The following HSD3B2 variants were observed in gnomAD, a reference collection of about 807,000 sequenced individuals.
HSD3B2 encodes the protein hydroxy-delta-5-steroid dehydrogenase, 3 beta- and steroid delta-isomerase 2, also known as 3 beta-hydroxysteroid dehydrogenase/Delta 5-->4-isomerase type 2.
HSD3B2 carries 8 observed loss-of-function variants against 9.9 expected under a neutral mutation model. That is an observed-to-expected ratio of 0.81 (90% CI 0.47 to 1.46). The LOEUF (loss-of-function observed/expected upper bound fraction) is 1.46. Among genes scored for constraint, HSD3B2 ranks in the 40% most tolerant of loss-of-function variants. The pLI, the probability that HSD3B2 is intolerant of heterozygous loss-of-function variation, is 0.00. For missense variants in HSD3B2, 410 were observed against 448.3 expected (o/e 0.91, Z 0.77); for synonymous variants, 221 against 184.5 (o/e 1.20, Z -1.60).
chr1:119,419,507 G>A lies in HSD3B2; in HGVS notation c.232G>A (p.Val78Ile), dbSNP rs143103963. 45 of 1,613,612 alleles carry A rather than the reference G, an allele frequency of 2.8e-5. No individual in the cohort carries two copies. In the African/African-American group the frequency reaches 2.9e-4, roughly 11 times the overall value. Residue 78 changes from valine (V) to isoleucine (I), a missense_variant, in exon 3 of 4, where the codon GTC becomes ATC. Coordinates refer to ENST00000369416, the MANE Select transcript of HSD3B2 (RefSeq NM_000198.4). ...AAGAGCCTGCCAGGACGTCTCGGTC[G>A]TCATCCACACCGCCTGTATCATTGA... is the stretch of plus-strand genomic sequence containing the variant. ...LKRACQDVSV[V>I]IHTACIIDVF... is the part of the protein sequence containing the mutation.
intron 3 of HSD3B2, among the ~76,000 whole-genome samples, chr1:119,421,105 A>G (rs1651843524): frequency 6.6e-6 from 1 of 152,080 alleles, no homozygotes; most frequent in African/African-American, 2.4e-5. Context: ...CAAAATGAGA[A>G]AAATACCAGC....
chr1:119,419,565 T>G lies in HSD3B2; in HGVS notation c.290T>G (p.Met97Arg). Residue 97 changes from methionine (M) to arginine (R), a missense_variant, in exon 3 of 4, where the codon ATG becomes AGG. Physicochemically the swap from Met to Arg is moderately conservative, Grantham distance 91. Coordinates refer to ENST00000369416, the MANE Select transcript of HSD3B2 (RefSeq NM_000198.4). ...VFGVTHRESI[M>R]NVNVKGTQLL... ...GGTGTCACTCACAGAGAGTCCATCATGAATGTCAATGTGAAAGGTACAGTA... is the reference window on the plus strand; with the variant it reads ...GGTGTCACTCACAGAGAGTCCATCAGGAATGTCAATGTGAAAGGTACAGTA... The G allele has an allele frequency of 1.9e-6, 3 of 1,613,858 alleles. No individual in the cohort carries two copies. Among genetic ancestry groups the G allele is most frequent in the Non-Finnish European group, 2.5e-6 (3 of 1,179,852 alleles).
rs1332110702 is a variant in HSD3B2 at position 119,421,474 on chromosome 1, TATGTATATATATATTTTATAATA to T, written c.308-334_308-312del. Among the ~76,000 whole-genome samples, 21 of 5,622 alleles carry T rather than the reference TATGTATATATATATTTTATAATA, an allele frequency of 3.7e-3. 1 individual carries two copies. The highest frequency in any genetic ancestry group is 0.012 in the African/African-American group (20 of 1,688). 3.7% of individuals were successfully genotyped at this position (5,622 alleles called of 152,430 possible). On this transcript the variant is annotated intron_variant, in intron 3 of 3. Coordinates refer to ENST00000369416, the MANE Select transcript of HSD3B2 (RefSeq NM_000198.4). ...ATATGTATATATATATGTATATATA[TATGTATATATATATTTTATAATA>T]TATATATATATATACACACACGTAT...
rs750725811 is a variant in HSD3B2, at chr1:119,422,170, C to T, written c.669C>T (p.Val223=). 5 of 1,613,980 alleles carry T rather than the reference C, an allele frequency of 3.1e-6. No homozygotes were observed. The highest frequency in any genetic ancestry group is 2.7e-5 in the African/African-American group (2 of 74,904). Residue 223 remains valine (V), a synonymous_variant, in exon 4 of 4, where the codon GTC becomes GTT. Coordinates refer to ENST00000369416, the MANE Select transcript of HSD3B2 (RefSeq NM_000198.4). ...GAAAGTTCTCTACAGTCAACCCAGT[C>T]TATGTTGGCAACGTGGCCTGGGCCC... ...SVGKFSTVNP[V]YVGNVAWAHI... is the part of the protein sequence containing the mutation.
At chr1:119,416,593 C>T (rs891907118) in intron 2 of HSD3B2, among the ~76,000 whole-genome samples, 4 of 152,194 alleles carry the variant, frequency 2.6e-5, no homozygotes, top group Non-Finnish European at 5.9e-5. Flanking sequence ...CCCTTTGCCT[C>T]TCTGTGTGCC....
intron 3 of HSD3B2, among the ~76,000 whole-genome samples, chr1:119,421,416 TG>T (rs1360451094): frequency 0.3 from 15,559 of 51,904 alleles, 2,404 homozygotes; most frequent in African/African-American, 0.53. Context: ...TATATATATA[TG>T]TATATATATG....
rs776281757 is a variant in HSD3B2, at chr1:119,421,911, T to A, written c.410T>A (p.Ile137Asn). ...GGGCCCAACTCCTACAAGGAAATCA[T>A]CCAGAACGGCCACGAAGAAGAGCCT... Reference protein sequence around the residue: ...VAGPNSYKEIIQNGHEEEPLE... With the variant: ...VAGPNSYKEINQNGHEEEPLE... Residue 137 changes from isoleucine (I) to asparagine (N), a missense_variant, in exon 4 of 4, where the codon ATC (isoleucine) becomes AAC (asparagine). Coordinates refer to ENST00000369416, the MANE Select transcript of HSD3B2 (RefSeq NM_000198.4). The A allele has an allele frequency of 2.5e-6, 4 of 1,613,924 alleles. No individual in the cohort carries two copies. Among genetic ancestry groups the A allele is most frequent in the Non-Finnish European group, 3.4e-6 (4 of 1,179,962 alleles).
At chr1:119,418,809 G>A (rs1438785935) in intron 2 of HSD3B2, among the ~76,000 whole-genome samples, 1 of 151,636 alleles carries the variant, frequency 6.6e-6, no homozygotes, top group Non-Finnish European at 1.5e-5. Context: ...ATACCATCAC[G>A]CCCAGCTAAT....
rs745547471 is a variant in HSD3B2, at chr1:119,422,279, C to T, written c.778C>T (p.Pro260Ser). 6.2e-7 allele frequency: 1 copy of T among 1,614,114 alleles called. No individual in the cohort carries two copies. The highest frequency in any genetic ancestry group is 1.7e-5 in the Admixed American group (1 of 60,024). Residue 260 changes from proline (P) to serine (S), a missense_variant, in exon 4 of 4, where the codon CCT (proline) becomes TCT (serine). By Grantham distance (74) the Pro-to-Ser change is moderately conservative. Transcript: ENST00000369416. ...ATTCTATTACATCTCAGATGACACG[C>T]CTCACCAAAGCTATGATAACCTTAA... ...GQFYYISDDTPHQSYDNLNYI... is the reference protein window; with the variant it reads ...GQFYYISDDTSHQSYDNLNYI...
upstream of HSD3B2, chr1:119,414,972 A>T (rs1651664572): frequency 4.5e-6 from 1 of 220,856 alleles, no homozygotes; most frequent in Non-Finnish European, 9.1e-6. Flanking sequence ...TGGCCTTAAG[A>T]TTGGATTTCT....
rs952201892 is a variant in HSD3B2, at chr1:119,415,346, C to T, written c.-74C>T. ...TTGTTTTTAGCCCTCTTCTGGGTCA[C>T]GCTAGAATCAGATCTGCTCTCCAGC... On this transcript the variant is annotated 5_prime_UTR_variant, in exon 2 of 4. In the 5' UTR this introduces an upstream ATG that the reference lacks. Coordinates refer to ENST00000369416, the MANE Select transcript of HSD3B2 (RefSeq NM_000198.4). 38 of 1,514,928 alleles carry T rather than the reference C, an allele frequency of 2.5e-5. No homozygotes were observed. The highest frequency in any genetic ancestry group is 3.3e-5 in the Non-Finnish European group (36 of 1,091,858). The allele number at this position is 1,514,928 out of a possible 1,614,324, so 93.8% of individuals were successfully genotyped here. A position where few individuals can be genotyped will look rare whatever the true frequency, so the allele number is the denominator to read the frequency against.
rs200483303 is a variant in HSD3B2, at chr1:119,419,411, C to T, written c.143-7C>T. The stretch of plus-strand genomic sequence containing the variant: ...TCTTTCCAATGACCTGACCTGTGTT[C>T]ACACAGAGCTCCAGAACAGGACCAA... On this transcript the variant is annotated splice_polypyrimidine_tract_variant and splice_region_variant and intron_variant, in intron 2 of 3. Transcript: ENST00000369416. The T allele has an allele frequency of 3.9e-5, 63 of 1,613,622 alleles. No homozygotes were observed. In the East Asian group the frequency reaches 1.2e-3, roughly 30 times the overall value.
rs754040085 is a variant in HSD3B2 at position 119,422,161 on chromosome 1, C to G, written c.660C>G (p.Val220=). Residue 220 remains valine, a synonymous_variant, in exon 4 of 4, where the codon GTC becomes GTG. Coordinates refer to ENST00000369416, the MANE Select transcript of HSD3B2 (RefSeq NM_000198.4). ...CAAGTGTTGGAAAGTTCTCTACAGT[C>G]AACCCAGTCTATGTTGGCAACGTGG... The part of the protein sequence containing the change: ...ILSSVGKFST[V]NPVYVGNVAW... 6.2e-7 allele frequency: 1 copy of G among 1,614,102 alleles called. No individual in the cohort carries two copies. The highest frequency in any genetic ancestry group is 8.5e-7 in the Non-Finnish European group (1 of 1,180,002).
intron 2 of HSD3B2, among the ~76,000 whole-genome samples, chr1:119,415,796 C>T (rs1204678400): frequency 1.3e-5 from 2 of 152,184 alleles, no homozygotes; most frequent in Admixed American, 6.5e-5. Flanking sequence ...GCCATGTCAG[C>T]CTCAAGGCCC....
intron 2 of HSD3B2, among the ~76,000 whole-genome samples, chr1:119,417,784 C>G (rs1651750669): frequency 1.3e-5 from 2 of 152,182 alleles, no homozygotes; most frequent in South Asian, 4.1e-4. Flanking sequence ...CTTATTCTTA[C>G]TCTTTCTCAG....
intron 2 of HSD3B2, among the ~76,000 whole-genome samples, chr1:119,417,896 G>T (rs1189236483): frequency 6.6e-6 from 1 of 152,150 alleles, no homozygotes; most frequent in East Asian, 1.9e-4. Flanking sequence ...ATTGACTTTA[G>T]ATCTGTCCCT....
Position 119,422,656 on chromosome 1 carries a change from T to C in HSD3B2, c.*36T>C. On this transcript the variant is annotated 3_prime_UTR_variant, in exon 4 of 4. Transcript: ENST00000369416. ...ACAGAGATGTGCATGTGGGTATTGT[T>C]AGGAAATGTCATCAAACTCCACCCA... 6.2e-7 allele frequency: 1 copy of C among 1,610,572 alleles called. No homozygotes were observed. The highest frequency in any genetic ancestry group is 8.5e-7 in the Non-Finnish European group (1 of 1,178,928).
rs758045653 is a variant in HSD3B2, at chr1:119,422,396, G to T, written c.895G>T (p.Val299Leu). Residue 299 changes from valine to leucine, a missense_variant, in exon 4 of 4, where the codon GTA becomes TTA. Val to Leu is a conservative substitution (Grantham distance 32). Coordinates refer to ENST00000369416, the MANE Select transcript of HSD3B2 (RefSeq NM_000198.4). ...LMYWIGFLLE[V>L]VSFLLSPIYS... is the part of the protein sequence containing the mutation. Reference sequence around the variant, plus strand: ...GTACTGGATTGGCTTCCTGCTGGAAGTAGTGAGCTTCCTACTCAGCCCAAT... The same window carrying T: ...GTACTGGATTGGCTTCCTGCTGGAATTAGTGAGCTTCCTACTCAGCCCAAT... The T allele has an allele frequency of 1.9e-6, 3 of 1,614,160 alleles. No homozygotes were observed. Among genetic ancestry groups the T allele is most frequent in the Non-Finnish European group, 2.5e-6 (3 of 1,180,006 alleles).
Position 119,419,447 on chromosome 1 carries a change from C to A in HSD3B2, c.172C>A (p.Leu58Ile). Reference protein sequence around the residue: ...KLQNRTKLTVLEGDILDEPFL... With the variant: ...KLQNRTKLTVIEGDILDEPFL... Reference sequence around the variant, plus strand: ...CCAGAACAGGACCAAGCTGACTGTACTTGAAGGAGACATTCTGGATGAGCC... The same window carrying A: ...CCAGAACAGGACCAAGCTGACTGTAATTGAAGGAGACATTCTGGATGAGCC... The change falls in exon 3 of 4, where the codon CTT becomes ATT. Residue 58 changes from leucine to isoleucine, a missense_variant. Transcript: ENST00000369416. 1 of 1,613,744 alleles carries A rather than the reference C, an allele frequency of 6.2e-7. No homozygotes were observed. The highest frequency in any genetic ancestry group is 8.5e-7 in the Non-Finnish European group (1 of 1,179,788).
Sources: gnomAD v4.1 joint callset for allele counts (sites outside exome capture counted in the v4.1 genomes callset) on GRCh38, gnomAD v4.1.1 for gene constraint, MANE v1.5 for transcripts, NCBI Gene and HGNC (gene_info 2026-07-23, HGNC 2026-07-21) for gene names.